FCSK: variants seen among roughly 807,000 people sequenced by gnomAD.
FCSK encodes L-fucose kinase.
FCSK carries 123 observed loss-of-function variants against 122.5 expected under a neutral mutation model. The observed-to-expected ratio is 1.00, with a 90% confidence interval of 0.87 to 1.17. FCSK has a LOEUF of 1.17. FCSK is among the 50% of genes most tolerant of loss of function. The pLI is 0.00. For missense variants in FCSK, 1,366 were observed against 1,450.4 expected (o/e 0.94, Z 0.95); for synonymous variants, 620 against 625.5 (o/e 0.99, Z 0.13).
intron 3 of FCSK, chr16:70,464,917 A>T (rs1182510945): frequency 1.0e-6 from 1 of 960,764 alleles, no homozygotes; most frequent in Non-Finnish European, 1.5e-6. Flanking sequence ...GCCAGCAAGA[A>T]GGTGGCCCAG....
At chr16:70,468,335 G>A (rs997514418) in intron 8 of FCSK, among the ~76,000 whole-genome samples, 1 of 152,140 alleles carries the variant, frequency 6.6e-6, no homozygotes, top group Non-Finnish European at 1.5e-5. Context: ...CTCGAGAATC[G>A]CTTGAACCCA....
At position 70,468,968 on chromosome 16, in the gene FCSK, G is replaced by A; in HGVS notation, c.783G>A (p.Gln261=). 1 of 1,612,962 alleles carries A rather than the reference G, an allele frequency of 6.2e-7. No individual in the cohort carries two copies. Among genetic ancestry groups the A allele is most frequent in the South Asian group, 1.1e-5 (1 of 91,076 alleles). ...TGGACTCCGGAGCCCGGCCTGTCCA[G>A]GTGACTGGGGGAGGGCAGCTAGGTG... is the stretch of plus-strand genomic sequence containing the variant. ...LGLDSGARPV[Q]LSLFFDILHC... Residue 261 remains glutamine (Q), a splice_region_variant and synonymous_variant, in exon 9 of 24, where the codon CAG becomes CAA. Transcript: ENST00000288078.
intron 20 of FCSK, among the ~76,000 whole-genome samples, chr16:70,476,006 CCT>C (rs1491318728): frequency 2.0e-5 from 3 of 151,912 alleles, no homozygotes; most frequent in Non-Finnish European, 4.4e-5. Context: ...TGTGCTGTGC[CCT>C]TTTTTTTTTT....
Position 70,468,766 on chromosome 16 carries a change from C to T in FCSK, c.664-83C>T, listed in dbSNP as rs1261576896. 3.2e-6 allele frequency: 5 copies of T among 1,545,104 alleles called. No individual in the cohort carries two copies. In the African/African-American group the frequency reaches 5.5e-5, roughly 17 times the overall value. On this transcript the variant is annotated intron_variant, in intron 8 of 23. Transcript: ENST00000288078. ...TGGTATGGCACTCAGCTTCATGTGG[C>T]CCATCTGCATGTGCCCTCCCTGACT...
At chr16:70,474,462 C>A (rs1376811183) in intron 16 of FCSK, 66 bp from the exon 17 acceptor site, 4 of 1,546,198 alleles carry the variant, frequency 2.6e-6, no homozygotes, top group Non-Finnish European at 3.5e-6. Flanking sequence ...GTCAGGTCCC[C>A]AAAGCCAGGC....
In FCSK at chr16:70,468,969, G is replaced by A; in HGVS notation, c.783+1G>A. On this transcript the variant is annotated splice_donor_variant, in intron 9 of 23. Transcript: ENST00000288078. LOFTEE classifies it high-confidence loss of function. ...GGACTCCGGAGCCCGGCCTGTCCAGGTGACTGGGGGAGGGCAGCTAGGTGG... is the reference window on the plus strand; with the variant it reads ...GGACTCCGGAGCCCGGCCTGTCCAGATGACTGGGGGAGGGCAGCTAGGTGG... The A allele has an allele frequency of 2.5e-6, 4 of 1,612,970 alleles. No homozygotes were observed. Among genetic ancestry groups the A allele is most frequent in the Non-Finnish European group, 3.4e-6 (4 of 1,179,982 alleles).
In FCSK at chr16:70,470,353, C is replaced by T; in HGVS notation, c.995C>T (p.Ser332Leu). The T allele has an allele frequency of 6.2e-7, 1 of 1,613,838 alleles. No individual in the cohort carries two copies. The highest frequency in any genetic ancestry group is 8.5e-7 in the Non-Finnish European group (1 of 1,179,966). The part of the protein sequence containing the change: ...SSGSYSYMTS[S>L]ASEFLLSLTL... ...GGCAGCTACAGCTACATGACCTCCTCAGCCAGTGAGTTCCTGCTCAGCCTC... is the reference window on the plus strand; with the variant it reads ...GGCAGCTACAGCTACATGACCTCCTTAGCCAGTGAGTTCCTGCTCAGCCTC... Residue 332 changes from serine (S) to leucine (L), a missense_variant, in exon 11 of 24, where the codon TCA (serine) becomes TTA (leucine). Transcript: ENST00000288078.
In FCSK at chr16:70,478,502, G is replaced by A. The variant is rs116954857; in HGVS notation, c.2829+43G>A. On this transcript the variant is annotated intron_variant, in intron 21 of 23. Transcript: ENST00000288078. ...CATGAGGGAGGCAGGCAGGGGGCCT[G>A]CCAGCTGGGCCTGGGTCCTCACCAC... is the stretch of plus-strand genomic sequence containing the variant. The A allele has an allele frequency of 2.0e-3, 3,272 of 1,613,330 alleles. 66 individuals carry two copies. The East Asian group carries it at 0.033, about 16-fold the overall frequency.
At position 70,474,285 on chromosome 16, in the gene FCSK, A is replaced by G. The variant is rs2048724655; in HGVS notation, c.1934A>G (p.Asp645Gly). Residue 645 changes from aspartate to glycine, a missense_variant, in exon 16 of 24, where the codon GAC becomes GGC. Transcript: ENST00000288078. ...MRPFSYLECG[D>G]LAAGVEALAQ... ...CCCTTCTCATACCTGGAGTGTGGAGACCTGGCAGCGGGCGTGGAGGCGCTT... is the reference window on the plus strand; with the variant it reads ...CCCTTCTCATACCTGGAGTGTGGAGGCCTGGCAGCGGGCGTGGAGGCGCTT... The G allele has an allele frequency of 1.9e-6, 3 of 1,613,354 alleles. No homozygotes were observed. Among genetic ancestry groups the G allele is most frequent in the Non-Finnish European group, 2.5e-6 (3 of 1,179,948 alleles).
chr16:70,475,888 T>C (rs2048796488), intron 20 of FCSK, 121 bp downstream of exon 20: 1 of 1,043,786 alleles, frequency 9.6e-7, no homozygotes, highest in South Asian at 2.1e-5. Context: ...GTGCTGCTGT[T>C]GGAAATACTT....
intron 1 of FCSK, among the ~76,000 whole-genome samples, chr16:70,461,562 C>T (rs1024472012): frequency 3.3e-5 from 5 of 152,216 alleles, no homozygotes; most frequent in African/African-American, 7.2e-5. Flanking sequence ...CTGCAGCCCC[C>T]GCTGGGCTGG....
chr16:70,471,915 C>T (rs533709035), intron 13 of FCSK, among the ~76,000 whole-genome samples: 1 of 150,216 alleles, frequency 6.7e-6, no homozygotes, highest in African/African-American at 2.5e-5. Context: ...ACGCCATTTT[C>T]CTGCCTCAGC....
intron 13 of FCSK, among the ~76,000 whole-genome samples, chr16:70,471,674 C>T (rs1183412628): frequency 1.3e-5 from 2 of 152,150 alleles, no homozygotes; most frequent in Non-Finnish European, 2.9e-5. Flanking sequence ...TCTCAGCTCA[C>T]TGCAATCTCT....
chr16:70,469,292 G>C lies in FCSK; in HGVS notation c.924G>C (p.Trp308Cys). The C allele has an allele frequency of 6.2e-7, 1 of 1,610,142 alleles. No homozygotes were observed. The highest frequency in any genetic ancestry group is 8.5e-7 in the Non-Finnish European group (1 of 1,178,984). ...GYLQSARAQLWRELRDQPLTM... is the reference protein window; with the variant it reads ...GYLQSARAQLCRELRDQPLTM... ...TGCAGAGCGCCCGGGCCCAGCTGTG[G>C]AGGGAGCTTCGCGATCAGCCCCTTA... The change falls in exon 10 of 24, where the codon TGG (tryptophan) becomes TGC (cysteine). Residue 308 changes from tryptophan to cysteine, a missense_variant. Trp to Cys is a radical substitution (Grantham distance 215). Transcript: ENST00000288078.
In FCSK at chr16:70,479,053, C is replaced by A. The variant is rs17879102; in HGVS notation, c.2930-127C>A. The A allele has an allele frequency of 2.3e-4, 173 of 756,080 alleles. No homozygotes were observed. In the African/African-American group the frequency reaches 2.9e-3, roughly 13 times the overall value. The allele number at this position is 756,080 out of a possible 1,614,324, so 46.8% of individuals were successfully genotyped here. A position where few individuals can be genotyped will look rare whatever the true frequency, so the allele number is the denominator to read the frequency against. ...GAAGTGGGTTACTCCTGGCTCCAGC[C>A]GGCACTGGAATCCGGCTTCTTTACC... On this transcript the variant is annotated intron_variant, in intron 22 of 23. Transcript: ENST00000288078.
At chr16:70,455,869 C>G (rs549008927) in intron 1 of FCSK, among the ~76,000 whole-genome samples, 1 of 148,836 alleles carries the variant, frequency 6.7e-6, no homozygotes. Context: ...TCCAGCCTGA[C>G]GACAGAGGGA....
intron 1 of FCSK, 161 bp downstream of exon 1, chr16:70,454,791 C>T (rs1434379961): frequency 1.3e-5 from 2 of 152,176 alleles, no homozygotes; most frequent in African/African-American, 4.8e-5. Flanking sequence ...TCTGCGGTGC[C>T]CCGGGAGCCC....
In FCSK at chr16:70,466,296, T is replaced by C. The variant is rs370402669; in HGVS notation, c.411+39T>C. On this transcript the variant is annotated intron_variant, in intron 5 of 23. Coordinates refer to ENST00000288078, the MANE Select transcript of FCSK (RefSeq NM_145059.3). ...GTGGCCCGTGGTGCCTCGTCCCAGATAGAGCCACTTCCCTCCCACTGTTCC... is the reference window on the plus strand; with the variant it reads ...GTGGCCCGTGGTGCCTCGTCCCAGACAGAGCCACTTCCCTCCCACTGTTCC... 15 of 1,610,080 alleles carry C rather than the reference T, an allele frequency of 9.3e-6. No homozygotes were observed. The African/African-American group carries it at 1.9e-4, about 20-fold the overall frequency.
chr16:70,468,813 G>T lies in FCSK; in HGVS notation c.664-36G>T, dbSNP rs373500497. 1.9e-6 allele frequency: 3 copies of T among 1,613,208 alleles called. No homozygotes were observed. In the Admixed American group the frequency reaches 5.0e-5, roughly 27 times the overall value. On this transcript the variant is annotated intron_variant, in intron 8 of 23. Coordinates refer to ENST00000288078, the MANE Select transcript of FCSK (RefSeq NM_145059.3). ...GACTTGTACCAGGGCCTGGTCCAGG[G>T]CCCTCCATCTCTGATCCTTTTGGGG...
Sources: allele counts gnomAD v4.1 joint callset (sites outside exome capture counted in the v4.1 genomes callset), GRCh38; gene constraint gnomAD v4.1.1; transcripts MANE v1.5; gene names NCBI Gene and HGNC (gene_info 2026-07-23, HGNC 2026-07-21).